PPP2R2C: variants seen among roughly 807,000 people sequenced by gnomAD.
PPP2R2C encodes protein phosphatase 2 regulatory subunit Bgamma.
A neutral mutation model predicts 45.3 loss-of-function variants in PPP2R2C; 10 were observed. That is an observed-to-expected ratio of 0.22 (90% CI 0.14 to 0.37). The LOEUF is 0.37. Ranked by LOEUF, PPP2R2C falls within the 10% of genes least tolerant of loss-of-function variation. The probability of loss-of-function intolerance (pLI) is 1.00; values close to 1 mark genes in which losing one functional copy is unlikely to be tolerated. For synonymous variants in PPP2R2C, 257 were observed against 245.4 expected (o/e 1.05, Z -0.44); for missense variants, 308 against 619.7 (o/e 0.50, Z 5.34).
chr4:6,545,374 C>T (rs1195149653), intron 1 of PPP2R2C, among the ~76,000 whole-genome samples: 1 of 152,200 alleles, frequency 6.6e-6, no homozygotes, highest in Non-Finnish European at 1.5e-5. Flanking sequence ...CAAGTGAGTA[C>T]AAAATCAAAT....
At chr4:6,355,473 C>T (rs1468402178) in intron 5 of PPP2R2C, among the ~76,000 whole-genome samples, 1 of 148,800 alleles carries the variant, frequency 6.7e-6, no homozygotes, top group African/African-American at 2.5e-5. Flanking sequence ...ACATATGTAA[C>T]TAACCTGTAC....
At chr4:6,427,536 C>A (rs548557424) in intron 1 of PPP2R2C, among the ~76,000 whole-genome samples, 3 of 152,324 alleles carry the variant, frequency 2.0e-5, no homozygotes, top group East Asian at 1.9e-4. Context: ...ATAGGCTGGA[C>A]CTGCCAGGAA....
intron 1 of PPP2R2C, among the ~76,000 whole-genome samples, chr4:6,536,275 C>T (rs1724610795): frequency 6.6e-6 from 1 of 152,160 alleles, no homozygotes; most frequent in Non-Finnish European, 1.5e-5. Flanking sequence ...TTAGAGATGA[C>T]CCTGAGTTGA....
At chr4:6,462,969 T>C (rs1196781162) in intron 1 of PPP2R2C, among the ~76,000 whole-genome samples, 1 of 152,188 alleles carries the variant, frequency 6.6e-6, no homozygotes, top group African/African-American at 2.4e-5. Context: ...GATGAGGGGC[T>C]CCAGGGAGCG....
At chr4:6,544,052 T>A (rs1187489948) in intron 1 of PPP2R2C, among the ~76,000 whole-genome samples, 3 of 152,002 alleles carry the variant, frequency 2.0e-5, no homozygotes, top group South Asian at 2.1e-4. Context: ...AAGCCCAGTG[T>A]CCCCTACCCC....
At chr4:6,327,925 A>G (rs905397463) in intron 8 of PPP2R2C, among the ~76,000 whole-genome samples, 1 of 152,134 alleles carries the variant, frequency 6.6e-6, no homozygotes, top group Non-Finnish European at 1.5e-5. Context: ...ACTTGGATCC[A>G]GCCCTGCTTC....
intron 6 of PPP2R2C, among the ~76,000 whole-genome samples, chr4:6,344,462 C>T (rs752428947): frequency 8.5e-5 from 13 of 152,130 alleles, no homozygotes; most frequent in African/African-American, 2.9e-4. Context: ...CCTGGGAAAC[C>T]GGATAGCACA....
rs1047288957 is a variant in PPP2R2C at position 6,379,692 on chromosome 4, C to G, written c.169-1120G>C. On this transcript the variant is annotated intron_variant, in intron 2 of 8. Transcript: ENST00000382599. ...TCTGGTGAAGCCCACAGGTGCTGGC[C>G]GAGTGCTGTGTTTGAGGAACTGATT... is the stretch of plus-strand genomic sequence containing the variant. Among the ~76,000 whole-genome samples the G allele has an allele frequency of 9.8e-5, 15 of 152,334 alleles. No individual in the cohort carries two copies. The East Asian group carries it at 2.9e-3, about 29-fold the overall frequency.
intron 1 of PPP2R2C, chr4:6,384,195 C>T (rs1163599071): frequency 1.0e-6 from 1 of 985,346 alleles, no homozygotes; most frequent in Non-Finnish European, 1.2e-6. Flanking sequence ...CCACCCAGCC[C>T]AGCTGTGCTA....
At chr4:6,559,583 A>ATGCT (rs1725511881) in intron 1 of PPP2R2C, among the ~76,000 whole-genome samples, 1 of 152,066 alleles carries the variant, frequency 6.6e-6, no homozygotes, top group Non-Finnish European at 1.5e-5. Context: ...TGTGGACTGG[A>ATGCT]TGCTTGTGTC....
At chr4:6,562,518 T>C (rs1577260297) in intron 1 of PPP2R2C, among the ~76,000 whole-genome samples, 2 of 151,864 alleles carry the variant, frequency 1.3e-5, no homozygotes, top group South Asian at 2.1e-4. Flanking sequence ...GTGTTTGTTA[T>C]ATAAAGTGAC....
chr4:6,534,142 A>G (rs1338128903), intron 2 of PPP2R2C, among the ~76,000 whole-genome samples: 1 of 151,672 alleles, frequency 6.6e-6, no homozygotes, highest in Non-Finnish European at 1.5e-5. Context: ...ACTAACACAC[A>G]CACCAACATA....
chr4:6,366,215 G>C (rs1386021207), intron 5 of PPP2R2C, among the ~76,000 whole-genome samples: 1 of 152,220 alleles, frequency 6.6e-6, no homozygotes, highest in African/African-American at 2.4e-5. Flanking sequence ...CCTTATAAAA[G>C]GGAATTTTCT....
intron 5 of PPP2R2C, among the ~76,000 whole-genome samples, chr4:6,371,844 T>C (rs780789738): frequency 1.1e-4 from 17 of 152,158 alleles, no homozygotes; most frequent in African/African-American, 3.9e-4. Context: ...TTATTATCAT[T>C]GGTTGTATGC....
intron 5 of PPP2R2C, among the ~76,000 whole-genome samples, chr4:6,365,129 A>G (rs1714171475): frequency 6.6e-6 from 1 of 152,218 alleles, no homozygotes; most frequent in Non-Finnish European, 1.5e-5. Flanking sequence ...AGGCCCTGGC[A>G]GAGACCCTGT....
chr4:6,472,384 G>GCGGGGGCGGC lies in PPP2R2C; in HGVS notation c.-165_-156dup, dbSNP rs1242535029. 1 of 1,004,682 alleles carries GCGGGGGCGGC rather than the reference G, an allele frequency of 1.0e-6. No individual in the cohort carries two copies. The highest frequency in any genetic ancestry group is 1.2e-6 in the Non-Finnish European group (1 of 837,874). The allele number at this position is 1,004,682 out of a possible 1,614,324, so 62.2% of individuals were successfully genotyped here. On this transcript the variant is annotated 5_prime_UTR_variant, in exon 1 of 9. Coordinates refer to ENST00000382599, the MANE Select transcript of PPP2R2C (RefSeq NM_020416.4). ...GGAGGGCATCGCGGCAGGGGGACGGGCGGGGGCGGCCGGGGGCGGGCGCCG... is the reference window on the plus strand; with the variant it reads ...GGAGGGCATCGCGGCAGGGGGACGGGCGGGGGCGGCCGGGGGCGGCCGGGGGCGGGCGCCG...
At chr4:6,521,086 A>C (rs1181044247) in intron 2 of PPP2R2C, among the ~76,000 whole-genome samples, 1 of 152,214 alleles carries the variant, frequency 6.6e-6, no homozygotes, top group Admixed American at 6.5e-5. Context: ...AGGTTCGAAA[A>C]GGCTAAGTAA....
At chr4:6,455,376 G>A (rs1044073212) in intron 1 of PPP2R2C, among the ~76,000 whole-genome samples, 4 of 152,120 alleles carry the variant, frequency 2.6e-5, no homozygotes, top group African/African-American at 7.2e-5. Flanking sequence ...TGGGGCAGTC[G>A]TTGTTCAGCA....
At chr4:6,347,038 G>A (rs936937925) in intron 6 of PPP2R2C, among the ~76,000 whole-genome samples, 12 of 152,176 alleles carry the variant, frequency 7.9e-5, no homozygotes, top group South Asian at 4.1e-4. Context: ...CTGATCCCTC[G>A]CCTTCAGGGG....
Sources: gnomAD v4.1 joint callset for allele counts (sites outside exome capture counted in the v4.1 genomes callset) on GRCh38, gnomAD v4.1.1 for gene constraint, MANE v1.5 for transcripts, NCBI Gene and HGNC (gene_info 2026-07-23, HGNC 2026-07-21) for gene names.